Variants in SRC observed in about 807,000 individuals in gnomAD.
The protein encoded by SRC is proto-oncogene tyrosine-protein kinase Src.
SRC carries 13 observed loss-of-function variants against 62.9 expected under a neutral mutation model. The ratio of observed to expected loss-of-function variants is 0.21; its 90% CI spans 0.13 to 0.33. The LOEUF is 0.33. SRC is among the 10% of genes least tolerant of loss of function. The pLI is 1.00. For synonymous variants in SRC, 302 were observed against 317.5 expected (o/e 0.95, Z 0.52); for missense variants, 457 against 737.3 (o/e 0.62, Z 4.40).
At chr20:37,367,095 ATTTTTTTTTTT>A (rs770197409) in intron 2 of SRC, among the ~76,000 whole-genome samples, 4 of 125,396 alleles carry the variant, frequency 3.2e-5, no homozygotes, top group Non-Finnish European at 7.0e-5. Context: ...TGTGGTTTTG[ATTTTTTTTTTT>A]TTTTTTTTTG....
intron 2 of SRC, among the ~76,000 whole-genome samples, chr20:37,373,428 T>TATATATGCGCATATATACGCATATATGC (rs1361074271): frequency 3.1e-4 from 47 of 151,060 alleles, no homozygotes; most frequent in African/African-American, 1.1e-3. Context: ...CATATATGCG[T>TATATATGCGCATATATACGCATATATGC]GTATATACGC....
In SRC at chr20:37,384,389, C is replaced by A; in HGVS notation, c.236C>A (p.Ala79Glu). ...SSDTVTSPQR[A>E]GPLAGGVTTF... ...GACACCGTCACCTCCCCGCAGAGGGCGGGCCCGCTGGCCGGTCAGTGCGCG... is the reference window on the plus strand; with the variant it reads ...GACACCGTCACCTCCCCGCAGAGGGAGGGCCCGCTGGCCGGTCAGTGCGCG... The change falls in exon 4 of 14, where the codon GCG (alanine) becomes GAG (glutamate). Residue 79 changes from alanine to glutamate, a missense_variant. By Grantham distance (107) the Ala-to-Glu change is moderately radical (BLOSUM62 -1). Coordinates refer to ENST00000373578, the MANE Select transcript of SRC (RefSeq NM_198291.3). This position sits in a 1 kb window ranked among gnomAD's most constrained non-coding sequence, Gnocchi z 6.7. 1 of 1,431,182 alleles carries A rather than the reference C, an allele frequency of 7.0e-7. No homozygotes were observed. The highest frequency in any genetic ancestry group is 1.4e-5 in the South Asian group (1 of 72,094). The allele number at this position is 1,431,182 out of a possible 1,614,324, so 88.7% of individuals were successfully genotyped here. A position where few individuals can be genotyped will look rare whatever the true frequency, so the allele number is the denominator to read the frequency against.
chr20:37,388,663 G>A (rs1171991663), intron 5 of SRC, among the ~76,000 whole-genome samples: 2 of 152,184 alleles, frequency 1.3e-5, no homozygotes, highest in South Asian at 2.1e-4. Context: ...CAGGAGGATC[G>A]CTGGAACCAG....
At chr20:37,385,561 G>A (rs2070441848) in intron 4 of SRC, among the ~76,000 whole-genome samples, 1 of 151,994 alleles carries the variant, frequency 6.6e-6, no homozygotes, top group South Asian at 2.1e-4. Context: ...GGTGGAAGGG[G>A]GTACGGGGGC....
rs558747498 is a variant in SRC at position 37,389,206 on chromosome 20, G to A, written c.350+3032G>A. Among the ~76,000 whole-genome samples the A allele has an allele frequency of 2.0e-5, 3 of 152,238 alleles. No homozygotes were observed. The East Asian group carries it at 5.8e-4, about 29-fold the overall frequency. Reference sequence around the variant, plus strand: ...TGTGAGGAAGCCCTCTGGGGCTGAGGTCTGACTGCCTCAAGCTCCCTCATC... The same window carrying A: ...TGTGAGGAAGCCCTCTGGGGCTGAGATCTGACTGCCTCAAGCTCCCTCATC... On this transcript the variant is annotated intron_variant, in intron 5 of 13. Coordinates refer to ENST00000373578, the MANE Select transcript of SRC (RefSeq NM_198291.3).
intron 1 of SRC, among the ~76,000 whole-genome samples, chr20:37,361,380 G>A (rs1281287631): frequency 6.6e-6 from 1 of 152,198 alleles, no homozygotes; most frequent in Non-Finnish European, 1.5e-5. Context: ...AGTAAAGGCA[G>A]GCTGACCTTC....
At chr20:37,346,557 G>A (rs2069724078) in intron 1 of SRC, among the ~76,000 whole-genome samples, 1 of 151,710 alleles carries the variant, frequency 6.6e-6, no homozygotes, top group African/African-American at 2.4e-5. Flanking sequence ...CCCCAGAGAA[G>A]CCAGCGAGCT....
At chr20:37,380,094 T>C (rs1171703680) in intron 2 of SRC, among the ~76,000 whole-genome samples, 1 of 151,760 alleles carries the variant, frequency 6.6e-6, no homozygotes, top group Non-Finnish European at 1.5e-5. Context: ...TCTCAGGGCC[T>C]CAGTTTCCTC....
chr20:37,381,664 C>T (rs1403275122), intron 2 of SRC, among the ~76,000 whole-genome samples: 6 of 152,126 alleles, frequency 3.9e-5, no homozygotes, highest in Non-Finnish European at 5.9e-5. Context: ...AATGCTGCAC[C>T]AGGAAGCAAG....
intron 2 of SRC, among the ~76,000 whole-genome samples, chr20:37,372,631 T>C (rs1335534426): frequency 6.6e-6 from 1 of 152,216 alleles, no homozygotes; most frequent in Non-Finnish European, 1.5e-5. Flanking sequence ...CCATGTGCAC[T>C]TGAGAAGAAC....
In SRC at chr20:37,400,157, A is replaced by G. The variant is rs2070716807; in HGVS notation, c.902A>G (p.Lys301Arg). The change falls in exon 10 of 14, where the codon AAG (lysine) becomes AGG (arginine). Residue 301 changes from lysine to arginine, a missense_variant. Lys to Arg is a conservative substitution (Grantham distance 26, BLOSUM62 2). Coordinates refer to ENST00000373578, the MANE Select transcript of SRC (RefSeq NM_198291.3). Reference sequence around the variant, plus strand: ...ACCAGGGTGGCCATCAAAACCCTGAAGCCTGGCACGATGTCTCCAGAGGCC... The same window carrying G: ...ACCAGGGTGGCCATCAAAACCCTGAGGCCTGGCACGATGTCTCCAGAGGCC... ...GTTRVAIKTL[K>R]PGTMSPEAFL... 4 of 1,613,212 alleles carry G rather than the reference A, an allele frequency of 2.5e-6. No homozygotes were observed. Among genetic ancestry groups the G allele is most frequent in the Non-Finnish European group, 3.4e-6 (4 of 1,179,738 alleles).
At chr20:37,373,176 AC>A (rs1208601822) in intron 2 of SRC, among the ~76,000 whole-genome samples, 3 of 148,108 alleles carry the variant, frequency 2.0e-5, no homozygotes, top group African/African-American at 7.7e-5. Context: ...ATATGTACAC[AC>A]ATACACATGT....
At chr20:37,392,011 G>A (rs2070558547) in intron 5 of SRC, among the ~76,000 whole-genome samples, 1 of 152,166 alleles carries the variant, frequency 6.6e-6, no homozygotes. Context: ...CAGTGGGAGA[G>A]ACAAGTGTGG....
In SRC at chr20:37,402,452, G is replaced by A. The variant is rs56408406; in HGVS notation, c.1134G>A (p.Ala378=). ...DMAAQIASGM[A]YVERMNYVHR... Reference sequence around the variant, plus strand: ...GCCTGCAGATCGCCTCAGGCATGGCGTACGTGGAGCGGATGAACTACGTCC... The same window carrying A: ...GCCTGCAGATCGCCTCAGGCATGGCATACGTGGAGCGGATGAACTACGTCC... Residue 378 remains alanine, a synonymous_variant, in exon 12 of 14, where the codon GCG becomes GCA. Coordinates refer to ENST00000373578, the MANE Select transcript of SRC (RefSeq NM_198291.3). The surrounding 1 kb of genome is among the most constrained non-coding windows in gnomAD (Gnocchi z 6.2). 9.9e-4 allele frequency: 1,590 copies of A among 1,613,756 alleles called. 23 individuals are homozygous for A. The African/African-American group carries it at 0.018, about 19-fold the overall frequency.
rs755055234 is a variant in SRC, at chr20:37,393,966, C to T, written c.422C>T (p.Ala141Val). Residue 141 changes from alanine (A) to valine (V), a missense_variant, in exon 6 of 14, where the codon GCG (alanine) becomes GTG (valine). This residue lies in a region of SRC where 141 missense variants were observed against 198.4 expected (regional missense o/e 0.71). Coordinates refer to ENST00000373578, the MANE Select transcript of SRC (RefSeq NM_198291.3). ...QTGYIPSNYV[A>V]PSDSIQAEEW... The stretch of plus-strand genomic sequence containing the variant: ...GGCTACATCCCCAGCAACTACGTGG[C>T]GCCCTCCGACTCCATCCAGGCTGAG... 2 of 1,614,100 alleles carry T rather than the reference C, an allele frequency of 1.2e-6. No homozygotes were observed. Among genetic ancestry groups the T allele is most frequent in the Non-Finnish European group, 1.7e-6 (2 of 1,180,008 alleles).
intron 2 of SRC, among the ~76,000 whole-genome samples, chr20:37,365,491 A>AT (rs11483840): frequency 0.19 from 29,491 of 152,036 alleles, 3,179 homozygotes; most frequent in African/African-American, 0.3. Context: ...TATATTAACA[A>AT]TTTTTTTAGC....
intron 1 of SRC, among the ~76,000 whole-genome samples, chr20:37,357,961 A>G (rs886104059): frequency 4.0e-5 from 6 of 151,868 alleles, no homozygotes; most frequent in African/African-American, 1.4e-4. Flanking sequence ...GAGGGGAGGG[A>G]TGGGGTTGGT....
At chr20:37,358,211 C>T (rs186684138) in intron 1 of SRC, among the ~76,000 whole-genome samples, 177 of 152,350 alleles carry the variant, frequency 1.2e-3, no homozygotes, top group African/African-American at 3.0e-3. Flanking sequence ...TGATGTCCTG[C>T]ATACGCCATG....
In SRC at chr20:37,402,660, T is replaced by C; in HGVS notation, c.1270+72T>C. ...ACGTCCCGCTCTGAGCCCCAGTTTTTTCCTCAGCTGTCATTCCTCATGGTG... is the reference window on the plus strand; with the variant it reads ...ACGTCCCGCTCTGAGCCCCAGTTTTCTCCTCAGCTGTCATTCCTCATGGTG... On this transcript the variant is annotated intron_variant, in intron 12 of 13. Coordinates refer to ENST00000373578, the MANE Select transcript of SRC (RefSeq NM_198291.3). The surrounding 1 kb of genome is among the most constrained non-coding windows in gnomAD (Gnocchi z 6.2). 1 of 1,571,076 alleles carries C rather than the reference T, an allele frequency of 6.4e-7. No homozygotes were observed. Among genetic ancestry groups the C allele is most frequent in the African/African-American group, 1.4e-5 (1 of 73,966 alleles).
Sources: allele counts gnomAD v4.1 joint callset (sites outside exome capture counted in the v4.1 genomes callset), GRCh38; gene constraint gnomAD v4.1.1; regional missense constraint gnomAD v4.1.1; non-coding constraint Gnocchi (gnomAD v3.1); transcripts MANE v1.5; gene names NCBI Gene and HGNC (gene_info 2026-07-23, HGNC 2026-07-21).